Variants in P2RY14 observed in about 807,000 individuals in gnomAD.
The protein encoded by P2RY14 is purinergic receptor P2Y14.
P2RY14 carries 2 observed loss-of-function variants against 0.9 expected under a neutral mutation model. The ratio of observed to expected loss-of-function variants is 2.16; its 90% CI spans 0.88 to 6.79. The LOEUF (loss-of-function observed/expected upper bound fraction) is 6.79. Ranked by LOEUF, P2RY14 falls within the 30% of genes most tolerant of loss-of-function variation. The pLI is 0.05. For missense variants in P2RY14, 378 were observed against 400.1 expected (o/e 0.94, Z 0.47); for synonymous variants, 158 against 147.2 (o/e 1.07, Z -0.53).
chr3:151,242,346 A>G (rs541229588), intron 1 of P2RY14, among the ~76,000 whole-genome samples: 1 of 152,376 alleles, frequency 6.6e-6, no homozygotes, highest in East Asian at 1.9e-4. Flanking sequence ...AAAAGACAGC[A>G]GTAACCTCTG....
At chr3:151,269,798 A>G in intron 1 of P2RY14, 1 of 420,938 alleles carries the variant, frequency 2.4e-6, no homozygotes, top group Admixed American at 2.8e-5. Context: ...GTCAAATGCA[A>G]ATCTGGAAAG....
intron 1 of P2RY14, among the ~76,000 whole-genome samples, chr3:151,221,893 C>A (rs1447190135): frequency 6.6e-6 from 1 of 152,166 alleles, no homozygotes; most frequent in African/African-American, 2.4e-5. Context: ...AATAGTAGAT[C>A]CCCTGACAGC....
intron 1 of P2RY14, among the ~76,000 whole-genome samples, chr3:151,257,080 G>T (rs188591810): frequency 2.0e-5 from 3 of 152,070 alleles, no homozygotes; most frequent in Admixed American, 1.3e-4. Flanking sequence ...AAGAAATGGT[G>T]TAGTTTTAAA....
At chr3:151,256,539 T>G (rs1295673033) in intron 1 of P2RY14, among the ~76,000 whole-genome samples, 3 of 152,162 alleles carry the variant, frequency 2.0e-5, no homozygotes, top group Non-Finnish European at 4.4e-5. Flanking sequence ...CCACAGAAAT[T>G]AGGGTTTTGC....
At position 151,231,354 on chromosome 3, in the gene P2RY14, C is replaced by T. The variant is rs184351824; in HGVS notation, c.-132-11712G>A. The stretch of plus-strand genomic sequence containing the variant: ...GTATCTTTCAGTCTGAAAACATACT[C>T]CCCCATCATTTAGAGTAATAAAAAG... On this transcript the variant is annotated intron_variant, in intron 1 of 2. Transcript: ENST00000309170. Among the ~76,000 whole-genome samples, 57 of 152,264 alleles carry T rather than the reference C, an allele frequency of 3.7e-4. 1 individual carries two copies. Among genetic ancestry groups the T allele is most frequent in the African/African-American group, 1.3e-3 (55 of 41,554 alleles).
At chr3:151,263,892 G>T (rs1239470958) in intron 1 of P2RY14, among the ~76,000 whole-genome samples, 1 of 152,194 alleles carries the variant, frequency 6.6e-6, no homozygotes, top group African/African-American at 2.4e-5. Flanking sequence ...TGAAGTCAGT[G>T]CAGGGTAAAG....
At chr3:151,233,487 A>G (rs1732114168) in intron 1 of P2RY14, among the ~76,000 whole-genome samples, 1 of 152,196 alleles carries the variant, frequency 6.6e-6, no homozygotes. Context: ...TAATCCCAAC[A>G]CTTTGGGAGG....
intron 1 of P2RY14, among the ~76,000 whole-genome samples, chr3:151,242,294 C>G (rs1734318813): frequency 6.6e-6 from 1 of 152,238 alleles, no homozygotes; most frequent in African/African-American, 2.4e-5. Flanking sequence ...GGCCTGCCTG[C>G]CTCTCTAGGC....
intron 1 of P2RY14, among the ~76,000 whole-genome samples, chr3:151,248,588 A>G (rs1209521140): frequency 6.6e-6 from 1 of 152,168 alleles, no homozygotes; most frequent in Non-Finnish European, 1.5e-5. Flanking sequence ...TGTCTGGATA[A>G]TAAGTATTTT....
chr3:151,239,860 A>C (rs1430443903), intron 1 of P2RY14, among the ~76,000 whole-genome samples: 6 of 152,238 alleles, frequency 3.9e-5, no homozygotes, highest in Non-Finnish European at 2.9e-5. Flanking sequence ...AAAAAAGGAC[A>C]CCACATTTTA....
At chr3:151,246,492 A>T (rs1167474082) in intron 1 of P2RY14, among the ~76,000 whole-genome samples, 1 of 152,166 alleles carries the variant, frequency 6.6e-6, no homozygotes, top group African/African-American at 2.4e-5. Context: ...CTGATCTTTG[A>T]CAAACCTGAG....
At chr3:151,232,156 T>G (rs1178275843) in intron 1 of P2RY14, among the ~76,000 whole-genome samples, 1 of 152,154 alleles carries the variant, frequency 6.6e-6, no homozygotes, top group Non-Finnish European at 1.5e-5. Flanking sequence ...TCCTTAAAAT[T>G]GATGTTTCTT....
At chr3:151,242,577 TAACA>T (rs1242583110) in intron 1 of P2RY14, among the ~76,000 whole-genome samples, 3 of 152,126 alleles carry the variant, frequency 2.0e-5, no homozygotes, top group Non-Finnish European at 4.4e-5. Flanking sequence ...CAAGGAAAAC[TAACA>T]AACAGAAAAC....
At chr3:151,244,802 C>A (rs1376686463) in intron 1 of P2RY14, among the ~76,000 whole-genome samples, 1 of 152,120 alleles carries the variant, frequency 6.6e-6, no homozygotes, top group African/African-American at 2.4e-5. Flanking sequence ...TCACAAAAAA[C>A]CCTTCAAAAA....
At chr3:151,257,786 A>C (rs1000831574) in intron 1 of P2RY14, among the ~76,000 whole-genome samples, 2 of 152,170 alleles carry the variant, frequency 1.3e-5, no homozygotes, top group Admixed American at 1.3e-4. Flanking sequence ...TCTGGCTTAC[A>C]TTTTAGACCA....
chr3:151,266,546 C>T (rs1739865926), intron 1 of P2RY14, among the ~76,000 whole-genome samples: 1 of 152,226 alleles, frequency 6.6e-6, no homozygotes, highest in Non-Finnish European at 1.5e-5. Flanking sequence ...ATTTTGACTT[C>T]CACCTTAGCG....
intron 1 of P2RY14, among the ~76,000 whole-genome samples, chr3:151,271,442 G>C (rs919744742): frequency 7.2e-5 from 11 of 152,138 alleles, no homozygotes; most frequent in African/African-American, 2.7e-4. Flanking sequence ...TGAATAACGG[G>C]TCACTTCTTA....
intron 1 of P2RY14, among the ~76,000 whole-genome samples, chr3:151,221,282 G>C (rs1053802697): frequency 8.5e-5 from 13 of 152,324 alleles, no homozygotes; most frequent in Middle Eastern, 3.4e-3. Flanking sequence ...CAGAAAATTT[G>C]CAGCCTGACA....
At chr3:151,218,904 G>A (rs1279036547) in intron 2 of P2RY14, among the ~76,000 whole-genome samples, 7 of 149,700 alleles carry the variant, frequency 4.7e-5, no homozygotes, top group Non-Finnish European at 7.4e-5. Context: ...AAAAGAGGGG[G>A]GGTATACTGT....
Sources: allele counts gnomAD v4.1 joint callset (sites outside exome capture counted in the v4.1 genomes callset), GRCh38; gene constraint gnomAD v4.1.1; transcripts MANE v1.5; gene names NCBI Gene and HGNC (gene_info 2026-07-23, HGNC 2026-07-21).